Variants in MYO18B observed in about 807,000 individuals in gnomAD.
MYO18B encodes unconventional myosin-XVIIIb.
MYO18B carries 204 observed loss-of-function variants against 273.0 expected under a neutral mutation model. The observed-to-expected ratio is 0.75, with a 90% confidence interval of 0.67 to 0.84. The LOEUF (loss-of-function observed/expected upper bound fraction) is 0.84. MYO18B is among the 40% of genes least tolerant of loss of function. The pLI is 0.00. For synonymous variants in MYO18B, 1,330 were observed against 1,305.7 expected (o/e 1.02, Z -0.40); for missense variants, 3,212 against 3,287.6 (o/e 0.98, Z 0.56).
At position 25,865,147 on chromosome 22, in the gene MYO18B, A is replaced by G. The variant is rs575647622; in HGVS notation, c.3886-3173A>G. Among the ~76,000 whole-genome samples the G allele has an allele frequency of 1.2e-4, 18 of 152,370 alleles. No individual in the cohort carries two copies. The South Asian group carries it at 2.7e-3, about 23-fold the overall frequency. On this transcript the variant is annotated intron_variant, in intron 21 of 43. Coordinates refer to ENST00000335473, the MANE Select transcript of MYO18B (RefSeq NM_032608.7). Reference sequence around the variant, plus strand: ...ATAAAGTCCTTTTCATATAGTTTCAATTAATTCTCTGAATTGCTGTATGGT... The same window carrying G: ...ATAAAGTCCTTTTCATATAGTTTCAGTTAATTCTCTGAATTGCTGTATGGT...
chr22:25,960,994 AAG>A (rs1021770655), intron 39 of MYO18B, among the ~76,000 whole-genome samples: 2 of 152,054 alleles, frequency 1.3e-5, no homozygotes, highest in African/African-American at 4.8e-5. Flanking sequence ...ATGAAAGAGA[AAG>A]AGAGAGAGAA....
chr22:25,998,467 A>C (rs570723976), intron 40 of MYO18B, among the ~76,000 whole-genome samples: 12 of 152,300 alleles, frequency 7.9e-5, no homozygotes, highest in African/African-American at 2.6e-4. Flanking sequence ...ATCTGAGACG[A>C]ATGCTCTGAA....
chr22:25,937,240 A>G (rs2092590255), intron 34 of MYO18B, among the ~76,000 whole-genome samples: 1 of 151,802 alleles, frequency 6.6e-6, no homozygotes, highest in African/African-American at 2.4e-5. Context: ...GTGCACCACC[A>G]TGCCCGGCTA....
chr22:25,781,907 C>T lies in MYO18B; in HGVS notation c.2312+73C>T, dbSNP rs2087178190. 7 of 1,077,706 alleles carry T rather than the reference C, an allele frequency of 6.5e-6. No individual in the cohort carries two copies. In the East Asian group the frequency reaches 2.1e-4, roughly 32 times the overall value. The allele number at this position is 1,077,706 out of a possible 1,614,324, so 66.8% of individuals were successfully genotyped here. A position where few individuals can be genotyped will look rare whatever the true frequency, so the allele number is the denominator to read the frequency against. On this transcript the variant is annotated intron_variant, in intron 10 of 43. Coordinates refer to ENST00000335473, the MANE Select transcript of MYO18B (RefSeq NM_032608.7). ...GGCACATGTTCTTTGGGGGCCCAGC[C>T]TTAGCTTCTGCCCAGCACTGAGAGG...
chr22:25,859,922 A>G (rs1053697444), intron 21 of MYO18B, among the ~76,000 whole-genome samples: 1 of 152,174 alleles, frequency 6.6e-6, no homozygotes, highest in Non-Finnish European at 1.5e-5. Flanking sequence ...CCCCTCGGTT[A>G]CAGAGATATT....
In MYO18B at chr22:26,014,386, T is replaced by G. The variant is rs566641815; in HGVS notation, c.6470+9531T>G. The stretch of plus-strand genomic sequence containing the variant: ...GTCCATCCTTGAACCAATATAGCAT[T>G]GGAAGTATAAGTTCTCCATATTAAT... On this transcript the variant is annotated intron_variant, in intron 42 of 43. Transcript: ENST00000335473. Among the ~76,000 whole-genome samples, 7 of 152,372 alleles carry G rather than the reference T, an allele frequency of 4.6e-5. No homozygotes were observed. The East Asian group carries it at 1.3e-3, about 29-fold the overall frequency.
intron 31 of MYO18B, among the ~76,000 whole-genome samples, chr22:25,904,556 A>G (rs906267218): frequency 6.6e-6 from 1 of 152,228 alleles, no homozygotes; most frequent in African/African-American, 2.4e-5. Flanking sequence ...GCTTCGGGGC[A>G]GATTGAAGTG....
At chr22:26,018,763 G>A (rs1343523223) in intron 42 of MYO18B, among the ~76,000 whole-genome samples, 1 of 152,104 alleles carries the variant, frequency 6.6e-6, no homozygotes, top group Non-Finnish European at 1.5e-5. Flanking sequence ...GACCAGCCTG[G>A]CCAACATGGT....
chr22:25,897,031 GA>G (rs1397231346), intron 28 of MYO18B: 4 of 151,888 alleles, frequency 2.6e-5, no homozygotes, highest in African/African-American at 9.7e-5. Flanking sequence ...CTTCTTCCCC[GA>G]GCAATCTTTC....
chr22:25,850,369 C>T (rs2090389654), intron 20 of MYO18B, among the ~76,000 whole-genome samples: 1 of 152,128 alleles, frequency 6.6e-6, no homozygotes, highest in East Asian at 1.9e-4. Flanking sequence ...CTACTCTCCG[C>T]TGCCTGGGTT....
intron 39 of MYO18B, among the ~76,000 whole-genome samples, chr22:25,960,339 G>C (rs1356671278): frequency 6.6e-6 from 1 of 152,144 alleles, no homozygotes; most frequent in Admixed American, 6.5e-5. Context: ...AACCACCCTG[G>C]TCCCAAGACT....
At chr22:25,935,858 G>A (rs142872179) in intron 34 of MYO18B, among the ~76,000 whole-genome samples, 78 of 152,332 alleles carry the variant, frequency 5.1e-4, no homozygotes, top group Non-Finnish European at 9.7e-4. Context: ...CATGGAGGAT[G>A]GGGGAGCACT....
intron 32 of MYO18B, among the ~76,000 whole-genome samples, chr22:25,910,597 T>C (rs1430503264): frequency 6.6e-6 from 1 of 152,212 alleles, no homozygotes; most frequent in African/African-American, 2.4e-5. Flanking sequence ...GGTTATAATA[T>C]TGTTCAGAGC....
intron 18 of MYO18B, among the ~76,000 whole-genome samples, chr22:25,844,413 C>G (rs553670609): frequency 1.6e-4 from 25 of 152,210 alleles, no homozygotes; most frequent in African/African-American, 6.0e-4. Flanking sequence ...GCTGGAATTC[C>G]TCAGGGGTAG....
At position 26,027,720 on chromosome 22, in the gene MYO18B, G is replaced by A. The variant is rs1334274896; in HGVS notation, c.*12+30G>A. 2 of 1,546,138 alleles carry A rather than the reference G, an allele frequency of 1.3e-6. No individual in the cohort carries two copies. Among genetic ancestry groups the A allele is most frequent in the Non-Finnish European group, 8.7e-7 (1 of 1,146,334 alleles). On this transcript the variant is annotated intron_variant, in intron 43 of 43. Transcript: ENST00000335473. This position sits in a 1 kb window ranked among gnomAD's most constrained non-coding sequence, Gnocchi z 4.1. ...AAGCAACAGGCTGGGGCTATTCTTG[G>A]GGGAATGAGAGTTCACCTTGCAGCC...
At chr22:25,902,077 ATCC>A in intron 29 of MYO18B, among the ~76,000 whole-genome samples, 1 of 152,134 alleles carries the variant, frequency 6.6e-6, no homozygotes, top group South Asian at 2.1e-4. Flanking sequence ...GCCCCAAGTG[ATCC>A]TCCTTCCTCG....
chr22:25,940,152 C>T (rs1254974729), intron 34 of MYO18B, among the ~76,000 whole-genome samples: 1 of 152,184 alleles, frequency 6.6e-6, no homozygotes, highest in African/African-American at 2.4e-5. Context: ...GCTATGTTCC[C>T]ACACAAATCT....
In MYO18B at chr22:26,014,830, A is replaced by T. The variant is rs532325776; in HGVS notation, c.6470+9975A>T. Among the ~76,000 whole-genome samples the T allele has an allele frequency of 6.1e-4, 93 of 151,594 alleles. 4 individuals carry two copies. In the South Asian group the frequency reaches 0.019, roughly 30 times the overall value. ...GATCAGTGATGTTGAGCTTCTTTAC[A>T]TATGCTTGTTGGTCACATGTATGCC... On this transcript the variant is annotated intron_variant, in intron 42 of 43. Coordinates refer to ENST00000335473, the MANE Select transcript of MYO18B (RefSeq NM_032608.7).
chr22:25,830,184 G>A (rs1206964013), intron 15 of MYO18B, among the ~76,000 whole-genome samples: 1 of 152,176 alleles, frequency 6.6e-6, no homozygotes, highest in Admixed American at 6.5e-5. Context: ...AACAGATGAT[G>A]CTGATGAAAC....
Sources: allele counts gnomAD v4.1 joint callset (sites outside exome capture counted in the v4.1 genomes callset), GRCh38; gene constraint gnomAD v4.1.1; non-coding constraint Gnocchi (gnomAD v3.1); transcripts MANE v1.5; gene names NCBI Gene and HGNC (gene_info 2026-07-23, HGNC 2026-07-21).